Variants in CCDC30 observed in about 807,000 individuals in gnomAD.
The protein encoded by CCDC30 is coiled-coil domain containing 30.
Under a neutral mutation model 100.2 loss-of-function variants are expected in CCDC30, and 70 were observed. That is an observed-to-expected ratio of 0.70 (90% confidence interval 0.58 to 0.85). CCDC30 has a LOEUF of 0.85. Among genes scored for constraint, CCDC30 ranks in the 40% least tolerant of loss-of-function variants. CCDC30 has a pLI of 0.00. For synonymous variants in CCDC30, 233 were observed against 269.5 expected (o/e 0.86, Z 1.33); for missense variants, 652 against 771.2 (o/e 0.85, Z 1.83).
At chr1:42,460,467 C>T, upstream of CCDC30, 7 of 726,702 alleles carry the variant, frequency 9.6e-6, no homozygotes, top group Non-Finnish European at 1.0e-5. Flanking sequence ...AAGAAGGATA[C>T]CTCCCTGAAG....
intron 6 of CCDC30, among the ~76,000 whole-genome samples, chr1:42,559,255 A>G (rs1452775086): frequency 6.6e-6 from 1 of 152,134 alleles, no homozygotes; most frequent in African/African-American, 2.4e-5. Context: ...AAATAATCAA[A>G]TAGCATCATG....
intron 5 of CCDC30, among the ~76,000 whole-genome samples, chr1:42,498,327 A>G (rs1415837036): frequency 6.6e-6 from 1 of 152,186 alleles, no homozygotes. Flanking sequence ...GTTTCAGTGC[A>G]AGATGAAGAG....
In CCDC30 at chr1:42,510,237, A is replaced by G. The variant is rs544867446; in HGVS notation, c.456+11321A>G. ...CTATTTTCTCTTTTCCTTTTGACCT[A>G]CCATAGGAGACAGATTGCTCATCTC... is the stretch of plus-strand genomic sequence containing the variant. On this transcript the variant is annotated intron_variant, in intron 6 of 16. Coordinates refer to ENST00000668663, the Ensembl canonical transcript of CCDC30. 6.3e-4 allele frequency: 323 copies of G among 509,402 alleles called. 2 individuals are homozygous for G. Among genetic ancestry groups the G allele is most frequent in the Non-Finnish European group, 7.3e-4 (288 of 395,048 alleles). 31.6% of individuals were successfully genotyped at this position (509,402 alleles called of 1,614,324 possible). A position where few individuals can be genotyped will look rare whatever the true frequency, so the allele number is the denominator to read the frequency against.
chr1:42,489,776 G>T (rs1239656030), intron 3 of CCDC30, among the ~76,000 whole-genome samples: 1 of 152,128 alleles, frequency 6.6e-6, no homozygotes, highest in Non-Finnish European at 1.5e-5. Flanking sequence ...TTCTAAATAT[G>T]ATTGATTGCA....
At chr1:42,603,536 G>A (rs72959612) in intron 10 of CCDC30, among the ~76,000 whole-genome samples, 1,858 of 152,296 alleles carry the variant, frequency 0.012, 32 homozygotes, top group African/African-American at 0.041. Context: ...TCCACATCAT[G>A]TGTCATCAGG....
chr1:42,492,231 G>A, intron 4 of CCDC30: 1 of 215,436 alleles, frequency 4.6e-6, no homozygotes. Context: ...AGAAAATGAT[G>A]GAAATTATGA....
At chr1:42,636,479 A>T (rs570725947) in intron 11 of CCDC30, among the ~76,000 whole-genome samples, 1 of 152,304 alleles carries the variant, frequency 6.6e-6, no homozygotes, top group East Asian at 1.9e-4. Flanking sequence ...TGGAAATTAG[A>T]TAAGATTGAA....
intron 10 of CCDC30, chr1:42,594,520 GA>G (rs1289430261): frequency 6.6e-6 from 1 of 151,994 alleles, no homozygotes; most frequent in East Asian, 1.9e-4. Context: ...AGTGAAAAAA[GA>G]AAAAGCTTAA....
chr1:42,606,001 G>A (rs1646494591), intron 10 of CCDC30, among the ~76,000 whole-genome samples: 3 of 152,118 alleles, frequency 2.0e-5, no homozygotes, highest in Admixed American at 1.3e-4. Flanking sequence ...ACATAGCTTA[G>A]AAACATTGAA....
At chr1:42,481,067 C>T (rs916488537) in intron 2 of CCDC30, among the ~76,000 whole-genome samples, 15 of 150,994 alleles carry the variant, frequency 9.9e-5, no homozygotes, top group African/African-American at 3.2e-4. Context: ...GCTATGGTTG[C>T]GCCACTGCAC....
At chr1:42,544,951 T>G (rs1297141441) in intron 6 of CCDC30, among the ~76,000 whole-genome samples, 1 of 152,024 alleles carries the variant, frequency 6.6e-6, no homozygotes, top group Non-Finnish European at 1.5e-5. Flanking sequence ...ATATCTAATA[T>G]TCTTTCTAAT....
intron 13 of CCDC30, among the ~76,000 whole-genome samples, chr1:42,644,245 C>T (rs753720026): frequency 1.3e-5 from 2 of 152,144 alleles, no homozygotes; most frequent in Non-Finnish European, 2.9e-5. Flanking sequence ...GTCCGAGTCC[C>T]AAAACTGAAG....
intron 6 of CCDC30, among the ~76,000 whole-genome samples, chr1:42,555,317 C>G (rs978143348): frequency 3.3e-5 from 5 of 152,320 alleles, no homozygotes; most frequent in African/African-American, 1.2e-4. Flanking sequence ...TCCCCAACGT[C>G]CATACACACA....
chr1:42,505,152 G>A (rs972334168), intron 6 of CCDC30, among the ~76,000 whole-genome samples: 4 of 152,138 alleles, frequency 2.6e-5, no homozygotes, highest in Non-Finnish European at 5.9e-5. Context: ...AATTTTAGTT[G>A]CCAAGATATA....
rs1645604013 is a variant in CCDC30 at position 42,566,276 on chromosome 1, T to A, written c.457-20T>A. On this transcript the variant is annotated intron_variant, in intron 6 of 16. Coordinates refer to ENST00000668663, the Ensembl canonical transcript of CCDC30. ...TTCTTTCCAATTGTCTGTGTTTCTCTTTTAAAATGTTTGCTTTAGCATCCA... is the reference window on the plus strand; with the variant it reads ...TTCTTTCCAATTGTCTGTGTTTCTCATTTAAAATGTTTGCTTTAGCATCCA... The A allele has an allele frequency of 6.3e-7, 1 of 1,595,124 alleles. No homozygotes were observed. Among genetic ancestry groups the A allele is most frequent in the Non-Finnish European group, 8.6e-7 (1 of 1,165,928 alleles).
intron 7 of CCDC30, chr1:42,571,321 T>C (rs1342170593): frequency 6.6e-6 from 1 of 152,216 alleles, no homozygotes; most frequent in Admixed American, 6.5e-5. Flanking sequence ...TATCTATTCA[T>C]TGTCTGTGTC....
chr1:42,543,384 C>T (rs532596148), intron 6 of CCDC30, among the ~76,000 whole-genome samples: 3 of 151,848 alleles, frequency 2.0e-5, no homozygotes, highest in African/African-American at 4.8e-5. Context: ...TGCTGTGGCA[C>T]GATCTTGGCT....
At chr1:42,537,020 A>G (rs1275535043) in intron 6 of CCDC30, 1 of 362,130 alleles carries the variant, frequency 2.8e-6, no homozygotes, top group Admixed American at 3.8e-5. Context: ...ATTGGGAATT[A>G]GGGTTTCAAC....
the CCDC30 span, chr1:42,456,630 T>C: frequency 3.2e-6 from 5 of 1,570,408 alleles, no homozygotes; most frequent in Non-Finnish European, 3.4e-6. Context: ...TGGGCTGAGG[T>C]TATGGCTCGC....
Sources: gnomAD v4.1 joint callset for allele counts (sites outside exome capture counted in the v4.1 genomes callset) on GRCh38, gnomAD v4.1.1 for gene constraint, MANE v1.5 for transcripts, NCBI Gene and HGNC (gene_info 2026-07-23, HGNC 2026-07-21) for gene names.